The following COL28A1 variants were observed in gnomAD, a reference collection of about 807,000 sequenced individuals.
COL28A1 encodes the protein collagen alpha-1(XXVIII) chain.
Under a neutral mutation model 150.2 loss-of-function variants are expected in COL28A1, and 161 were observed. The ratio of observed to expected loss-of-function variants is 1.07; its 90% confidence interval spans 0.94 to 1.22. COL28A1 has a LOEUF of 1.22. Ranked by LOEUF, COL28A1 falls within the 50% of genes most tolerant of loss-of-function variation. The probability of loss-of-function intolerance (pLI) is 0.00; values close to 1 mark genes in which losing one functional copy is unlikely to be tolerated. For missense variants in COL28A1, 1,617 were observed against 1,388.3 expected, an observed-to-expected ratio of 1.16 and a Z score of -2.62; for synonymous variants, 552 against 469.7, an observed-to-expected ratio of 1.18 and a Z score of -2.26.
the COL28A1 span, among the ~76,000 whole-genome samples, chr7:7,348,703 T>C: frequency 2.6e-5 from 4 of 152,090 alleles, no homozygotes; most frequent in African/African-American, 9.7e-5. Flanking sequence ...GCTTAAGTCA[T>C]TGATTTGAGA....
intron 21 of COL28A1, among the ~76,000 whole-genome samples, chr7:7,439,345 A>G (rs1473519567): frequency 6.6e-6 from 1 of 152,208 alleles, no homozygotes; most frequent in Non-Finnish European, 1.5e-5. Context: ...AGGACATGAC[A>G]AGAATCGGGA....
chr7:7,474,166 C>T (rs58324484), intron 15 of COL28A1, among the ~76,000 whole-genome samples: 28,041 of 150,534 alleles, frequency 0.19, 3,332 homozygotes, highest in African/African-American at 0.34. Context: ...TGGAGACTAT[C>T]ATTCTAAGTG....
intron 27 of COL28A1, among the ~76,000 whole-genome samples, chr7:7,386,263 A>G (rs1782174608): frequency 6.6e-6 from 1 of 152,214 alleles, no homozygotes; most frequent in South Asian, 2.1e-4. Flanking sequence ...TTTCTTTCGA[A>G]ATGTTTTCTC....
intron 31 of COL28A1, among the ~76,000 whole-genome samples, chr7:7,374,387 G>C (rs915604425): frequency 4.6e-5 from 7 of 152,116 alleles, no homozygotes; most frequent in Admixed American, 1.3e-4. Context: ...GACCTTAAAT[G>C]TACACAGGAA....
chr7:7,497,580 T>C (rs1391306204), intron 11 of COL28A1, among the ~76,000 whole-genome samples: 1 of 152,188 alleles, frequency 6.6e-6, no homozygotes, highest in Non-Finnish European at 1.5e-5. Context: ...TTAATTCTTC[T>C]TTTAAAGTAT....
intron 31 of COL28A1, among the ~76,000 whole-genome samples, chr7:7,374,024 TAA>T (rs1188442971): frequency 1.5e-4 from 18 of 116,318 alleles, no homozygotes; most frequent in East Asian, 9.0e-4. Flanking sequence ...ACTTGACTCT[TAA>T]AAAAAAAAAA....
At chr7:7,372,735 T>C (rs1403815103) in intron 32 of COL28A1, among the ~76,000 whole-genome samples, 3 of 152,196 alleles carry the variant, frequency 2.0e-5, no homozygotes, top group Admixed American at 6.5e-5. Flanking sequence ...TTTCTCTCCA[T>C]TCCTGTCTGT....
At chr7:7,511,275 C>T (rs1298608832) in intron 8 of COL28A1, 140 bp from the exon 9 acceptor site, 18 of 627,406 alleles carry the variant, frequency 2.9e-5, no homozygotes, top group Non-Finnish European at 4.9e-5. Context: ...ATATTAGCCT[C>T]AATACTGTGG....
At chr7:7,338,467 T>C in the COL28A1 span, among the ~76,000 whole-genome samples, 1 of 152,084 alleles carries the variant, frequency 6.6e-6, no homozygotes, top group Non-Finnish European at 1.5e-5. Context: ...GTAAATAGGA[T>C]TGTGTTCTTG....
At chr7:7,451,326 A>G (rs1786675107) in intron 18 of COL28A1, among the ~76,000 whole-genome samples, 1 of 151,844 alleles carries the variant, frequency 6.6e-6, no homozygotes, top group African/African-American at 2.4e-5. Context: ...CCTGAGTTCA[A>G]GTGGTTCTCC....
Position 7,432,548 on chromosome 7 carries a change from T to C in COL28A1, c.1930-7A>G. 2 of 1,613,650 alleles carry C rather than the reference T, an allele frequency of 1.2e-6. No homozygotes were observed. Among genetic ancestry groups the C allele is most frequent in the Non-Finnish European group, 1.7e-6 (2 of 1,179,704 alleles). On this transcript the variant is annotated splice_region_variant and splice_polypyrimidine_tract_variant and intron_variant, in intron 24 of 34. Transcript: ENST00000399429. ...CTGGTAATCCACGAGGTCCCTGAGATGACACAGTAAGGGAGGGAGTGAGCA... is the reference window on the plus strand; with the variant it reads ...CTGGTAATCCACGAGGTCCCTGAGACGACACAGTAAGGGAGGGAGTGAGCA...
In COL28A1 at chr7:7,419,911, G is replaced by A. The variant is rs757653478; in HGVS notation, c.2041C>T (p.Arg681Trp). The A allele has an allele frequency of 1.4e-5, 22 of 1,601,698 alleles. No homozygotes were observed. The South Asian group carries it at 1.6e-4, about 11-fold the overall frequency. Reference protein sequence around the residue: ...VRGPPGPSGPRGVGTQGPKGD... With the variant: ...VRGPPGPSGPWGVGTQGPKGD... ...TTTGGCCCTTGGGTTCCTACGCCCC[G>A]AGGCCCAGAAGGACCTGGAGGGCCT... Residue 681 changes from arginine (R) to tryptophan (W), a missense_variant, in exon 26 of 35, where the codon CGG becomes TGG. Coordinates refer to ENST00000399429, the MANE Select transcript of COL28A1 (RefSeq NM_001037763.3).
intron 16 of COL28A1, 57 bp from the exon 17 acceptor site, chr7:7,453,565 C>G (rs1466091730): frequency 2.4e-6 from 2 of 825,834 alleles, no homozygotes; most frequent in Non-Finnish European, 4.1e-6. Context: ...TTCAAATCCT[C>G]TAAAGTGAAA....
At position 7,368,388 on chromosome 7, in the gene COL28A1, T is replaced by TG. The variant is rs1554259581; in HGVS notation, c.3066+2336dup. 4.7e-4 allele frequency among the ~76,000 whole-genome samples: 16 copies of TG among 34,174 alleles called. No individual in the cohort carries two copies. The South Asian group carries it at 0.051, about 109-fold the overall frequency. 22.4% of individuals were successfully genotyped at this position (34,174 alleles called of 152,430 possible). A position where few individuals can be genotyped will look rare whatever the true frequency, so the allele number is the denominator to read the frequency against. On this transcript the variant is annotated intron_variant, in intron 33 of 34. Coordinates refer to ENST00000399429, the MANE Select transcript of COL28A1 (RefSeq NM_001037763.3). ...CACTTTAAAGACTCCCTTTGCCTAC[T>TG]GTTTTTTTTGTTTTTTGCTAGGAAT...
At chr7:7,421,283 T>C (rs1452569205) in intron 25 of COL28A1, among the ~76,000 whole-genome samples, 2 of 152,192 alleles carry the variant, frequency 1.3e-5, no homozygotes, top group Non-Finnish European at 2.9e-5. Context: ...GATTAGTCAC[T>C]GCCAGGGGCC....
At chr7:7,435,239 C>T (rs972806591) in intron 23 of COL28A1, among the ~76,000 whole-genome samples, 6 of 152,140 alleles carry the variant, frequency 3.9e-5, no homozygotes, top group African/African-American at 1.4e-4. Context: ...ATGTATAAAT[C>T]GGATTGTGAA....
At chr7:7,463,033 A>ATT (rs1452279517) in intron 15 of COL28A1, among the ~76,000 whole-genome samples, 126 of 152,064 alleles carry the variant, frequency 8.3e-4, no homozygotes, top group African/African-American at 2.9e-3. Flanking sequence ...ATCTGGGATT[A>ATT]TGTTAAATGG....
intron 7 of COL28A1, among the ~76,000 whole-genome samples, chr7:7,517,512 A>G (rs1208820815): frequency 6.6e-6 from 1 of 152,206 alleles, no homozygotes; most frequent in African/African-American, 2.4e-5. Context: ...GAAATAAAGC[A>G]AACAGTTTTC....
chr7:7,360,393 C>G lies in COL28A1; in HGVS notation c.3202G>C (p.Glu1068Gln). Reference sequence around the variant, plus strand: ...CTTGGAGTTCTGGTTTACCTACCCTCTGCCCCATCCACAGGGGTGCTGAGC... The same window carrying G: ...CTTGGAGTTCTGGTTTACCTACCCTGTGCCCCATCCACAGGGGTGCTGAGC... ...PLLSTPVDGA[E>Q]DPRCLEALKP... The change falls in exon 34 of 35, where the codon GAG becomes CAG. Residue 1068 changes from glutamate (E) to glutamine (Q), a missense_variant. Glu to Gln is a conservative substitution (Grantham distance 29). Transcript: ENST00000399429. The G allele has an allele frequency of 1.3e-6, 2 of 1,571,048 alleles. No individual in the cohort carries two copies. Among genetic ancestry groups the G allele is most frequent in the Middle Eastern group, 3.4e-4 (2 of 5,872 alleles).
Sources: gnomAD v4.1 joint callset for allele counts (sites outside exome capture counted in the v4.1 genomes callset) on GRCh38, gnomAD v4.1.1 for gene constraint, MANE v1.5 for transcripts, NCBI Gene and HGNC (gene_info 2026-07-23, HGNC 2026-07-21) for gene names.